NSUN6: variants seen among roughly 807,000 people sequenced by gnomAD.
The protein encoded by NSUN6 is NOP2/Sun RNA methyltransferase 6.
Under a neutral mutation model 58.0 loss-of-function variants are expected in NSUN6, and 64 were observed. The observed-to-expected ratio is 1.10, with a 90% CI of 0.90 to 1.36. The LOEUF (loss-of-function observed/expected upper bound fraction) is 1.36, where lower values mean the gene tolerates loss of function less well. Ranked by LOEUF, NSUN6 falls within the 40% of genes most tolerant of loss-of-function variation. The pLI is 0.00. For synonymous variants in NSUN6, 231 were observed against 193.9 expected (o/e 1.19, Z -1.59); for missense variants, 701 against 550.1 (o/e 1.27, Z -2.74).
chr10:18,566,970 T>G (rs2056004163), intron 8 of NSUN6, among the ~76,000 whole-genome samples: 1 of 151,010 alleles, frequency 6.6e-6, no homozygotes, highest in South Asian at 2.1e-4. Context: ...TATTCCATTC[T>G]CCATTCCATT....
At chr10:18,628,442 C>T (rs769032211) in intron 3 of NSUN6, among the ~76,000 whole-genome samples, 1 of 152,056 alleles carries the variant, frequency 6.6e-6, no homozygotes, top group South Asian at 2.1e-4. Flanking sequence ...AGGCTTCAGA[C>T]GACCAAATTA....
At chr10:18,558,300 A>AGAATG (rs1475754660) in intron 8 of NSUN6, among the ~76,000 whole-genome samples, 1 of 150,232 alleles carries the variant, frequency 6.7e-6, no homozygotes, top group Non-Finnish European at 1.5e-5. Flanking sequence ...AATGGAAGGG[A>AGAATG]GAATGGAATG....
At chr10:18,580,393 T>C (rs1376220470) in intron 8 of NSUN6, among the ~76,000 whole-genome samples, 2 of 152,104 alleles carry the variant, frequency 1.3e-5, no homozygotes, top group African/African-American at 4.8e-5. Context: ...AAGCTCCCAG[T>C]CAAGGAATGA....
chr10:18,569,985 C>T (rs976358407), intron 8 of NSUN6, among the ~76,000 whole-genome samples: 1 of 150,814 alleles, frequency 6.6e-6, no homozygotes, highest in African/African-American at 2.4e-5. Context: ...CCATTCCATT[C>T]TCAATTCCAT....
intron 6 of NSUN6, among the ~76,000 whole-genome samples, chr10:18,604,031 A>C (rs530075690): frequency 4.3e-4 from 65 of 152,174 alleles, no homozygotes; most frequent in Admixed American, 2.8e-3. Context: ...AAAATACAAA[A>C]ATTAGCTGGG....
At chr10:18,623,218 T>C (rs936520851) in intron 3 of NSUN6, among the ~76,000 whole-genome samples, 33 of 152,238 alleles carry the variant, frequency 2.2e-4, no homozygotes, top group African/African-American at 6.5e-4. Flanking sequence ...GATGCATTAC[T>C]TTTAAAATTG....
At chr10:18,611,723 GGTGTGTGTGT>G (rs10579235) in intron 5 of NSUN6, among the ~76,000 whole-genome samples, 2 of 148,984 alleles carry the variant, frequency 1.3e-5, no homozygotes, top group Admixed American at 1.3e-4. Flanking sequence ...GTCTCACTAT[GGTGTGTGTGT>G]GTGTGTGTGT....
At chr10:18,609,638 T>C (rs1214093654) in intron 6 of NSUN6, among the ~76,000 whole-genome samples, 2 of 152,054 alleles carry the variant, frequency 1.3e-5, no homozygotes, top group African/African-American at 2.4e-5. Context: ...CAAAGAAAGA[T>C]AGAAAAAGTA....
At chr10:18,567,957 C>A (rs1200141545) in intron 8 of NSUN6, among the ~76,000 whole-genome samples, 1 of 151,188 alleles carries the variant, frequency 6.6e-6, no homozygotes, top group African/African-American at 2.4e-5. Flanking sequence ...ATATTCTATT[C>A]CTTTCTCCAT....
intron 8 of NSUN6, among the ~76,000 whole-genome samples, chr10:18,564,756 TACCATACTGCATTCCATTCCATTC>T (rs1343032194): frequency 2.3e-4 from 28 of 122,300 alleles, no homozygotes; most frequent in Admixed American, 9.4e-4. Flanking sequence ...TTCCATTCCA[TACCATACTGCATTCCATTCCATTC>T]TCCATTCCAT....
At chr10:18,630,724 A>G (rs1285460225) in intron 3 of NSUN6, among the ~76,000 whole-genome samples, 1 of 152,238 alleles carries the variant, frequency 6.6e-6, no homozygotes, top group African/African-American at 2.4e-5. Context: ...GAATCTCTGA[A>G]TAGACCAATA....
intron 8 of NSUN6, among the ~76,000 whole-genome samples, chr10:18,556,082 G>T (rs1033855650): frequency 4.7e-5 from 7 of 149,650 alleles, no homozygotes; most frequent in African/African-American, 1.7e-4. Flanking sequence ...ATGGAATCGA[G>T]AATTGAATGG....
intron 7 of NSUN6, among the ~76,000 whole-genome samples, chr10:18,588,644 G>C (rs1021654008): frequency 2.0e-5 from 3 of 152,158 alleles, no homozygotes; most frequent in African/African-American, 7.2e-5. Context: ...ACAGGGTCTG[G>C]GGTGGACCTC....
At chr10:18,644,501 CT>C (rs35934175) in intron 2 of NSUN6, among the ~76,000 whole-genome samples, 33 of 146,418 alleles carry the variant, frequency 2.3e-4, no homozygotes, top group Admixed American at 4.8e-4. Flanking sequence ...TAAGGTATGT[CT>C]TTTTTTTTTT....
rs961205076 is a variant in NSUN6, at chr10:18,545,872, A to AAAAAAAAC, written c.*60_*61insGTTTTTTT. The stretch of plus-strand genomic sequence containing the variant: ...TTGGCCTGACAACACTTTGGTTAAA[A>AAAAAAAAC]AAAAAAAAACCACAGACAGCAAATG... On this transcript the variant is annotated 3_prime_UTR_variant, in exon 11 of 11. Coordinates refer to ENST00000377304, the MANE Select transcript of NSUN6 (RefSeq NM_182543.5). The AAAAAAAAC allele has an allele frequency of 4.7e-4, 489 of 1,032,896 alleles. 11 individuals carry two copies. The East Asian group carries it at 0.012, about 24-fold the overall frequency. The allele number at this position is 1,032,896 out of a possible 1,614,324, so 64.0% of individuals were successfully genotyped here. A position where few individuals can be genotyped will look rare whatever the true frequency, so the allele number is the denominator to read the frequency against.
At chr10:18,570,993 C>T (rs866547589) in intron 8 of NSUN6, among the ~76,000 whole-genome samples, 21 of 151,136 alleles carry the variant, frequency 1.4e-4, no homozygotes, top group African/African-American at 5.1e-4. Flanking sequence ...CCATTCCATT[C>T]TATTCACCAC....
intron 8 of NSUN6, among the ~76,000 whole-genome samples, chr10:18,577,459 G>C (rs1048392991): frequency 6.6e-6 from 1 of 152,056 alleles, no homozygotes; most frequent in Non-Finnish European, 1.5e-5. Context: ...CTTGGGTGCT[G>C]TGTCATATCA....
rs545410732 is a variant in NSUN6 at position 18,596,698 on chromosome 10, A to G, written c.658-371T>C. ...ATTCTGGAAGCCAGAGACCTCTAAAATTGCAGGACCACTCTGGACTTTTTT... is the reference window on the plus strand; with the variant it reads ...ATTCTGGAAGCCAGAGACCTCTAAAGTTGCAGGACCACTCTGGACTTTTTT... On this transcript the variant is annotated intron_variant, in intron 6 of 10. Transcript: ENST00000377304. 4.6e-5 allele frequency among the ~76,000 whole-genome samples: 7 copies of G among 152,314 alleles called. No homozygotes were observed. The East Asian group carries it at 1.3e-3, about 29-fold the overall frequency.
At chr10:18,615,604 G>A (rs565603611) in intron 4 of NSUN6, among the ~76,000 whole-genome samples, 1 of 152,280 alleles carries the variant, frequency 6.6e-6, no homozygotes, top group African/African-American at 2.4e-5. Context: ...GGTAGTAGTT[G>A]ACCCAATTCT....
Sources: gnomAD v4.1 joint callset for allele counts (sites outside exome capture counted in the v4.1 genomes callset) on GRCh38, gnomAD v4.1.1 for gene constraint, MANE v1.5 for transcripts, NCBI Gene and HGNC (gene_info 2026-07-23, HGNC 2026-07-21) for gene names.